The following GPR141 variants were observed in gnomAD, a reference collection of about 807,000 sequenced individuals.
GPR141 encodes probable G protein-coupled receptor 141.
GPR141 carries 6 observed loss-of-function variants against 6.8 expected under a neutral mutation model. That is an observed-to-expected ratio of 0.88 (90% CI 0.48 to 1.74). The LOEUF (loss-of-function observed/expected upper bound fraction) is 1.74. Ranked by LOEUF, GPR141 falls within the 40% of genes most tolerant of loss-of-function variation. The pLI, the probability that GPR141 is intolerant of heterozygous loss-of-function variation, is 0.01. For missense variants in GPR141, 372 were observed against 372.9 expected (o/e 1.00, Z 0.02); for synonymous variants, 140 against 142.3 (o/e 0.98, Z 0.11).
chr7:37,687,615 A>G (rs1385736407), intron 2 of GPR141, among the ~76,000 whole-genome samples: 1 of 152,238 alleles, frequency 6.6e-6, no homozygotes, highest in Non-Finnish European at 1.5e-5. Flanking sequence ...CACATGCTTC[A>G]TGAATGGGAG....
intron 2 of GPR141, among the ~76,000 whole-genome samples, chr7:37,726,046 A>G (rs1228087025): frequency 6.6e-6 from 1 of 152,228 alleles, no homozygotes; most frequent in Non-Finnish European, 1.5e-5. Context: ...ATATTCACAT[A>G]CAATTTCTCT....
chr7:37,718,369 T>C (rs1811143961), intron 2 of GPR141, among the ~76,000 whole-genome samples: 1 of 152,026 alleles, frequency 6.6e-6, no homozygotes, highest in Non-Finnish European at 1.5e-5. Flanking sequence ...TTAGCAGGCA[T>C]GGTGGCGTGT....
At chr7:37,688,687 T>C (rs1383481700) in intron 2 of GPR141, among the ~76,000 whole-genome samples, 1 of 152,106 alleles carries the variant, frequency 6.6e-6, no homozygotes, top group African/African-American at 2.4e-5. Flanking sequence ...CAGCTAGGGA[T>C]GTGAAAAACA....
At chr7:37,706,645 A>G (rs1355091043) in intron 2 of GPR141, among the ~76,000 whole-genome samples, 1 of 152,182 alleles carries the variant, frequency 6.6e-6, no homozygotes, top group African/African-American at 2.4e-5. Flanking sequence ...CACTTGGCAG[A>G]GGCTCAGCTG....
intron 2 of GPR141, among the ~76,000 whole-genome samples, chr7:37,691,898 G>T (rs1008889766): frequency 2.6e-5 from 4 of 152,122 alleles, no homozygotes; most frequent in African/African-American, 9.7e-5. Context: ...ATCTAACGGG[G>T]ATTCCTTTAG....
chr7:37,741,390 C>T lies in GPR141; in HGVS notation c.*79C>T. On this transcript the variant is annotated 3_prime_UTR_variant, in exon 3 of 3. Coordinates refer to ENST00000334425, the MANE Select transcript of GPR141 (RefSeq NM_001381946.1). The stretch of plus-strand genomic sequence containing the variant: ...TATAGGGGAGGTAAGAATGGTATTT[C>T]ATTACTTGATCAAAACCATGCCTTG... 1 of 1,073,112 alleles carries T rather than the reference C, an allele frequency of 9.3e-7. No individual in the cohort carries two copies. The allele number at this position is 1,073,112 out of a possible 1,614,324, so 66.5% of individuals were successfully genotyped here. A position where few individuals can be genotyped will look rare whatever the true frequency, so the allele number is the denominator to read the frequency against.
At chr7:37,729,802 C>T (rs1811829396) in intron 2 of GPR141, 1 of 152,180 alleles carries the variant, frequency 6.6e-6, no homozygotes, top group Admixed American at 6.5e-5. Context: ...ATCTAAGTAG[C>T]ATCAACAAAT....
intron 2 of GPR141, among the ~76,000 whole-genome samples, chr7:37,729,356 C>G (rs1329707348): frequency 6.6e-6 from 1 of 152,138 alleles, no homozygotes; most frequent in African/African-American, 2.4e-5. Context: ...AGAGGCAGCC[C>G]TGTCCCCTGA....
At chr7:37,725,595 CTT>C (rs1174315188) in intron 2 of GPR141, among the ~76,000 whole-genome samples, 1 of 152,146 alleles carries the variant, frequency 6.6e-6, no homozygotes, top group Non-Finnish European at 1.5e-5. Context: ...TTCTTTCTCT[CTT>C]TTTTTGCACA....
At chr7:37,692,502 G>A (rs186291744) in intron 2 of GPR141, among the ~76,000 whole-genome samples, 2 of 152,206 alleles carry the variant, frequency 1.3e-5, no homozygotes, top group East Asian at 1.9e-4. Context: ...AATCCTTTGG[G>A]TATATACCCA....
Position 37,742,227 on chromosome 7 carries a change from C to T in GPR141, c.*916C>T, listed in dbSNP as rs1812600449. Reference sequence around the variant, plus strand: ...GTTATACTGAAATCTTTAGAGCTCCCTTCCGCCGTTAAAATTATATATATA... The same window carrying T: ...GTTATACTGAAATCTTTAGAGCTCCTTTCCGCCGTTAAAATTATATATATA... On this transcript the variant is annotated 3_prime_UTR_variant, in exon 3 of 3. Transcript: ENST00000334425. 6.6e-6 allele frequency among the ~76,000 whole-genome samples: 1 copy of T among 151,860 alleles called. No homozygotes were observed. The highest frequency in any genetic ancestry group is 2.4e-5 in the African/African-American group (1 of 41,366).
intron 2 of GPR141, among the ~76,000 whole-genome samples, chr7:37,686,581 C>G (rs1052577540): frequency 2.6e-5 from 4 of 151,374 alleles, no homozygotes; most frequent in African/African-American, 9.8e-5. Flanking sequence ...AGGGTTTGAC[C>G]CATAATAAGT....
At chr7:37,739,080 C>G (rs1031276947) in intron 2 of GPR141, among the ~76,000 whole-genome samples, 1 of 151,974 alleles carries the variant, frequency 6.6e-6, no homozygotes, top group Non-Finnish European at 1.5e-5. Flanking sequence ...AATGTTTTGC[C>G]CCTCACAAGG....
chr7:37,729,552 T>C (rs1481362927), intron 2 of GPR141, among the ~76,000 whole-genome samples: 2 of 152,110 alleles, frequency 1.3e-5, no homozygotes, highest in Non-Finnish European at 2.9e-5. Flanking sequence ...TTGAAAGAAA[T>C]TCAAAGTTAA....
At chr7:37,712,017 C>A (rs886109244) in intron 2 of GPR141, among the ~76,000 whole-genome samples, 4 of 152,184 alleles carry the variant, frequency 2.6e-5, no homozygotes, top group African/African-American at 9.7e-5. Context: ...GAATCTAAGT[C>A]CAGGAAGCAC....
At chr7:37,710,962 G>A (rs1346081266) in intron 2 of GPR141, among the ~76,000 whole-genome samples, 1 of 152,126 alleles carries the variant, frequency 6.6e-6, no homozygotes, top group Non-Finnish European at 1.5e-5. Flanking sequence ...CATGTGACCT[G>A]GCTTTCAAAA....
intron 2 of GPR141, among the ~76,000 whole-genome samples, chr7:37,730,763 A>G (rs1167438753): frequency 1.3e-5 from 2 of 152,254 alleles, no homozygotes; most frequent in Non-Finnish European, 2.9e-5. Context: ...GCTTTCCCAC[A>G]GTCTCAGGGA....
At chr7:37,719,286 G>A (rs903427800) in intron 2 of GPR141, among the ~76,000 whole-genome samples, 1 of 152,172 alleles carries the variant, frequency 6.6e-6, no homozygotes, top group Non-Finnish European at 1.5e-5. Flanking sequence ...GACTGCAAAA[G>A]CCAGGGCTTT....
At chr7:37,708,675 G>T (rs887739189) in intron 2 of GPR141, among the ~76,000 whole-genome samples, 12 of 152,040 alleles carry the variant, frequency 7.9e-5, no homozygotes, top group African/African-American at 2.4e-4. Flanking sequence ...GTACAGACAG[G>T]GTCCTTTCAT....
Sources: gnomAD v4.1 joint callset for allele counts (sites outside exome capture counted in the v4.1 genomes callset) on GRCh38, gnomAD v4.1.1 for gene constraint, MANE v1.5 for transcripts, NCBI Gene and HGNC (gene_info 2026-07-23, HGNC 2026-07-21) for gene names.